Variants in NUDCD3 observed in about 807,000 individuals in gnomAD.
The protein encoded by NUDCD3 is nudC domain-containing protein 3.
A neutral mutation model predicts 39.7 loss-of-function variants in NUDCD3; 13 were observed. The observed-to-expected ratio is 0.33, with a 90% CI of 0.21 to 0.52. NUDCD3 has a LOEUF of 0.52. Among genes scored for constraint, NUDCD3 ranks in the 20% least tolerant of loss-of-function variants. NUDCD3 has a pLI of 0.96. For synonymous variants in NUDCD3, 175 were observed against 172.4 expected (o/e 1.02, Z -0.12); for missense variants, 453 against 458.1 (o/e 0.99, Z 0.10).
At chr7:44,387,070 G>C (rs1798414897) in intron 5 of NUDCD3, among the ~76,000 whole-genome samples, 1 of 152,218 alleles carries the variant, frequency 6.6e-6, no homozygotes, top group Admixed American at 6.5e-5. Context: ...AAACCCTGTA[G>C]CATAGGCCCA....
chr7:44,452,653 T>C (rs978602193), intron 2 of NUDCD3, among the ~76,000 whole-genome samples: 1 of 151,950 alleles, frequency 6.6e-6, no homozygotes, highest in Non-Finnish European at 1.5e-5. Context: ...GAGGAAAAAA[T>C]GGTCATAAGA....
chr7:44,474,179 C>G (rs1384836632), intron 2 of NUDCD3, among the ~76,000 whole-genome samples: 3 of 128,548 alleles, frequency 2.3e-5, no homozygotes, highest in African/African-American at 8.7e-5. Flanking sequence ...ACCTTTCCAA[C>G]ATCAAAAAAA....
chr7:44,456,381 G>C (rs748543458), intron 2 of NUDCD3, among the ~76,000 whole-genome samples: 3 of 152,128 alleles, frequency 2.0e-5, no homozygotes, highest in Non-Finnish European at 4.4e-5. Flanking sequence ...CAGCTTTAAA[G>C]GCCGAGCAAG....
chr7:44,452,359 C>G (rs935246855), intron 2 of NUDCD3, among the ~76,000 whole-genome samples: 1 of 152,256 alleles, frequency 6.6e-6, no homozygotes, highest in African/African-American at 2.4e-5. Context: ...CTGCTTGAGG[C>G]CAGCAGGCTT....
intron 2 of NUDCD3, among the ~76,000 whole-genome samples, chr7:44,465,591 A>C (rs1800102205): frequency 6.6e-6 from 1 of 152,240 alleles, no homozygotes; most frequent in South Asian, 2.1e-4. Flanking sequence ...TTAACCAAAA[A>C]AGAAAAAAGT....
chr7:44,409,421 T>C (rs775165665), intron 3 of NUDCD3, among the ~76,000 whole-genome samples: 1 of 152,132 alleles, frequency 6.6e-6, no homozygotes, highest in East Asian at 1.9e-4. Context: ...CAATAAAGAA[T>C]ACAAACTTTA....
chr7:44,471,039 C>G (rs1172917252), intron 2 of NUDCD3, among the ~76,000 whole-genome samples: 1 of 152,206 alleles, frequency 6.6e-6, no homozygotes, highest in African/African-American at 2.4e-5. Context: ...GTACCAACTA[C>G]GTGCCAGGCA....
intron 2 of NUDCD3, among the ~76,000 whole-genome samples, chr7:44,464,796 G>A (rs757250010): frequency 1.3e-5 from 2 of 152,076 alleles, no homozygotes; most frequent in East Asian, 3.9e-4. Flanking sequence ...TTATTCTATG[G>A]ACCAATACCC....
intron 4 of NUDCD3, among the ~76,000 whole-genome samples, chr7:44,399,744 G>C (rs1798686326): frequency 6.6e-6 from 1 of 152,180 alleles, no homozygotes; most frequent in Non-Finnish European, 1.5e-5. Flanking sequence ...ACAGCTCAGA[G>C]GCTGCAGTTA....
At chr7:44,487,338 C>G (rs980816109) in intron 1 of NUDCD3, among the ~76,000 whole-genome samples, 1 of 152,104 alleles carries the variant, frequency 6.6e-6, no homozygotes, top group Non-Finnish European at 1.5e-5. Flanking sequence ...AATGATGCAG[C>G]CCAGCACTCC....
chr7:44,438,870 C>T (rs140177521), intron 2 of NUDCD3, among the ~76,000 whole-genome samples: 262 of 152,288 alleles, frequency 1.7e-3, no homozygotes, highest in African/African-American at 6.0e-3. Context: ...GCCTTGTTAA[C>T]ATGTATTTCT....
intron 2 of NUDCD3, among the ~76,000 whole-genome samples, chr7:44,446,106 C>T (rs115749463): frequency 0.014 from 2,114 of 152,344 alleles, 47 homozygotes; most frequent in African/African-American, 0.047. Flanking sequence ...CCAATTGACA[C>T]ATGAGGCTGG....
intron 4 of NUDCD3, among the ~76,000 whole-genome samples, chr7:44,394,809 A>G (rs930370829): frequency 6.6e-6 from 1 of 152,172 alleles, no homozygotes; most frequent in Non-Finnish European, 1.5e-5. Flanking sequence ...CATCCAGGGG[A>G]CGGTGCTGGT....
intron 5 of NUDCD3, among the ~76,000 whole-genome samples, chr7:44,388,728 C>T (rs966398892): frequency 6.6e-6 from 1 of 152,220 alleles, no homozygotes; most frequent in African/African-American, 2.4e-5. Flanking sequence ...GCAGGTCAAT[C>T]TCAGGGAGAG....
chr7:44,437,132 C>T (rs575775519), intron 2 of NUDCD3, among the ~76,000 whole-genome samples: 2 of 140,124 alleles, frequency 1.4e-5, no homozygotes, highest in Non-Finnish European at 3.0e-5. Context: ...TGCAATGGTG[C>T]GATCTCGGCT....
At chr7:44,460,680 A>G (rs1429706787) in intron 2 of NUDCD3, among the ~76,000 whole-genome samples, 1 of 152,198 alleles carries the variant, frequency 6.6e-6, no homozygotes, top group African/African-American at 2.4e-5. Flanking sequence ...ATAAACAGCT[A>G]TCTCAAAAAC....
At chr7:44,427,753 G>T in intron 2 of NUDCD3, 50 bp from the exon 3 acceptor site, 1 of 1,596,116 alleles carries the variant, frequency 6.3e-7, no homozygotes, top group South Asian at 1.1e-5. Context: ...CTGAGCAGAG[G>T]ACCCCATGGG....
At chr7:44,397,640 AAG>A (rs1275374439) in intron 4 of NUDCD3, among the ~76,000 whole-genome samples, 2 of 152,158 alleles carry the variant, frequency 1.3e-5, no homozygotes, top group Non-Finnish European at 2.9e-5. Flanking sequence ...TTTAAGCTTA[AAG>A]TTACTAGAAT....
At chr7:44,408,083 G>A (rs544334901) in intron 3 of NUDCD3, among the ~76,000 whole-genome samples, 1 of 152,220 alleles carries the variant, frequency 6.6e-6, no homozygotes, top group Admixed American at 6.5e-5. Context: ...CAAAGAGATG[G>A]AATAGACTTC....
Sources: allele counts gnomAD v4.1 joint callset (sites outside exome capture counted in the v4.1 genomes callset), GRCh38; gene constraint gnomAD v4.1.1; transcripts MANE v1.5; gene names NCBI Gene and HGNC (gene_info 2026-07-23, HGNC 2026-07-21).